The following TMPRSS13 variants were observed in gnomAD, a reference collection of about 807,000 sequenced individuals.
TMPRSS13 encodes transmembrane protease serine 13.
Under a neutral mutation model 68.4 loss-of-function variants are expected in TMPRSS13, and 50 were observed. The observed-to-expected ratio is 0.73, with a 90% CI of 0.58 to 0.93. The LOEUF (loss-of-function observed/expected upper bound fraction) is 0.93, where lower values mean the gene tolerates loss of function less well. TMPRSS13 is among the 40% of genes least tolerant of loss of function. TMPRSS13 has a pLI of 0.00. For missense variants in TMPRSS13, 615 were observed against 729.2 expected, an observed-to-expected ratio of 0.84 and a Z score of 1.80; for synonymous variants, 267 against 285.8, an observed-to-expected ratio of 0.93 and a Z score of 0.66.
chr11:117,902,111 G>T lies in TMPRSS13; in HGVS notation c.*128C>A. On this transcript the variant is annotated 3_prime_UTR_variant, in exon 13 of 13. Transcript: ENST00000524993. ...ACACACACACACACACACAGAGGCA[G>T]CAGACAGTGGAGGTGGGAGTCCGAT... 1 of 957,752 alleles carries T rather than the reference G, an allele frequency of 1.0e-6. No individual in the cohort carries two copies. Among genetic ancestry groups the T allele is most frequent in the Non-Finnish European group, 1.6e-6 (1 of 617,466 alleles). 59.3% of individuals were successfully genotyped at this position (957,752 alleles called of 1,614,324 possible). A position where few individuals can be genotyped will look rare whatever the true frequency, so the allele number is the denominator to read the frequency against.
intron 1 of TMPRSS13, among the ~76,000 whole-genome samples, chr11:117,928,092 G>A (rs1319852530): frequency 6.6e-6 from 1 of 152,176 alleles, no homozygotes; most frequent in East Asian, 1.9e-4. Flanking sequence ...TCACTCTTGG[G>A]TTTAGGGACC....
intron 9 of TMPRSS13, 43 bp from the exon 10 acceptor site, chr11:117,905,779 G>C: frequency 6.7e-7 from 1 of 1,492,118 alleles, no homozygotes; most frequent in Non-Finnish European, 9.2e-7. Context: ...ACAAGGCTGA[G>C]ACTTTCAGTA....
In TMPRSS13 at chr11:117,921,545, G is replaced by C. The variant is rs55732448; in HGVS notation, c.22-2707C>G. 8.6e-3 allele frequency among the ~76,000 whole-genome samples: 1,311 copies of C among 152,236 alleles called. 14 individuals are homozygous for C. Among genetic ancestry groups the C allele is most frequent in the African/African-American group, 0.029 (1,195 of 41,564 alleles). On this transcript the variant is annotated intron_variant, in intron 1 of 12. Coordinates refer to ENST00000524993, the MANE Select transcript of TMPRSS13 (RefSeq NM_001077263.3). ...CCCAGAGGAAAATGGGTGGGCAGGT[G>C]GGGGGAGGGAGCTGGGGAAAGCTGT...
At chr11:117,925,239 A>G (rs1036139914) in intron 1 of TMPRSS13, among the ~76,000 whole-genome samples, 1 of 152,184 alleles carries the variant, frequency 6.6e-6, no homozygotes, top group Non-Finnish European at 1.5e-5. Flanking sequence ...CATAACATTC[A>G]TTTGAACAAA....
chr11:117,912,343 C>T (rs1289955266), intron 5 of TMPRSS13, among the ~76,000 whole-genome samples: 3 of 152,200 alleles, frequency 2.0e-5, no homozygotes, highest in African/African-American at 7.2e-5. Flanking sequence ...TAAGAATCTG[C>T]ATTTTAAAGA....
chr11:117,926,760 T>C (rs1157490477), intron 1 of TMPRSS13, among the ~76,000 whole-genome samples: 1 of 152,144 alleles, frequency 6.6e-6, no homozygotes, highest in East Asian at 1.9e-4. Flanking sequence ...CCCTCTTCTT[T>C]GGTGGGGAAG....
chr11:117,909,050 C>G (rs534216232), intron 8 of TMPRSS13, among the ~76,000 whole-genome samples: 11 of 152,136 alleles, frequency 7.2e-5, no homozygotes, highest in South Asian at 6.2e-4. Context: ...ACTCCCCCCC[C>G]ACTATCTCCT....
At chr11:117,907,492 A>G (rs2134881305) in intron 9 of TMPRSS13, 1 of 152,388 alleles carries the variant, frequency 6.6e-6, no homozygotes, top group South Asian at 2.1e-4. Flanking sequence ...GCGAGGAAAC[A>G]CCAGCTCACA....
At chr11:117,923,296 T>C (rs1812168998) in intron 1 of TMPRSS13, among the ~76,000 whole-genome samples, 1 of 152,080 alleles carries the variant, frequency 6.6e-6, no homozygotes, top group Non-Finnish European at 1.5e-5. Flanking sequence ...GAATGGGATG[T>C]TTTTCTGGTT....
At chr11:117,919,018 G>A (rs2057615348) in intron 1 of TMPRSS13, among the ~76,000 whole-genome samples, 180 bp from the exon 2 acceptor site, 2 of 152,152 alleles carry the variant, frequency 1.3e-5, no homozygotes, top group Admixed American at 1.3e-4. Flanking sequence ...AAAGCTCAAA[G>A]AACCTGCTGT....
chr11:117,908,587 G>T, intron 9 of TMPRSS13, 25 bp downstream of exon 9: 2 of 1,549,320 alleles, frequency 1.3e-6, no homozygotes, highest in Non-Finnish European at 8.7e-7. Flanking sequence ...GGGGGCAGGA[G>T]AGCGGGGAGT....
Position 117,909,868 on chromosome 11 carries a change from G to T in TMPRSS13, c.1047C>A (p.His349Gln), listed in dbSNP as rs1223830473. The T allele has an allele frequency of 6.2e-7, 1 of 1,614,032 alleles. No individual in the cohort carries two copies. Among genetic ancestry groups the T allele is most frequent in the East Asian group, 2.2e-5 (1 of 44,884 alleles). The change falls in exon 8 of 13, where the codon CAC (histidine) becomes CAA (glutamine). Residue 349 changes from histidine to glutamine, a missense_variant. Physicochemically the swap from His to Gln is conservative, Grantham distance 24 (BLOSUM62 0). Coordinates refer to ENST00000524993, the MANE Select transcript of TMPRSS13 (RefSeq NM_001077263.3). ...WQVSLHFGTT[H>Q]ICGGTLIDAQ... is the part of the protein sequence containing the mutation. ...CGTCAATGAGCGTGCCTCCACAGAT[G>T]TGGGTGGTGCCGAAGTGCAGACTCA...
At chr11:117,919,318 C>CCA (rs2057619236) in intron 1 of TMPRSS13, among the ~76,000 whole-genome samples, 1 of 152,238 alleles carries the variant, frequency 6.6e-6, no homozygotes, top group Non-Finnish European at 1.5e-5. Flanking sequence ...ATTGTTCTTA[C>CCA]TATGAGCTGT....
chr11:117,903,482 AAC>A (rs2057429316), intron 12 of TMPRSS13, 171 bp downstream of exon 12: 1 of 1,540,760 alleles, frequency 6.5e-7, no homozygotes, highest in Non-Finnish European at 8.7e-7. Context: ...CAGGGAAAGA[AAC>A]ACAGACAGCT....
At chr11:117,913,672 C>G (rs1360400690) in intron 5 of TMPRSS13, 105 bp downstream of exon 5, 4 of 1,461,222 alleles carry the variant, frequency 2.7e-6, no homozygotes, top group African/African-American at 1.4e-5. Context: ...GCCCCGGTCC[C>G]CAAGGGTCTT....
At chr11:117,923,207 G>A (rs1458525098) in intron 1 of TMPRSS13, among the ~76,000 whole-genome samples, 1 of 152,234 alleles carries the variant, frequency 6.6e-6, no homozygotes, top group Non-Finnish European at 1.5e-5. Flanking sequence ...CAGCAGAGGA[G>A]GGACTAAACC....
At chr11:117,923,781 A>T (rs966140513) in intron 1 of TMPRSS13, among the ~76,000 whole-genome samples, 19 of 148,372 alleles carry the variant, frequency 1.3e-4, no homozygotes, top group African/African-American at 4.7e-4. Flanking sequence ...ACATGTATAC[A>T]TATGTAACAA....
Position 117,918,391 on chromosome 11 carries a change from C to CTACAGCA in TMPRSS13, c.451+11_451+17dup. 1 of 1,610,378 alleles carries CTACAGCA rather than the reference C, an allele frequency of 6.2e-7. No individual in the cohort carries two copies. On this transcript the variant is annotated intron_variant, in intron 2 of 12. Coordinates refer to ENST00000524993, the MANE Select transcript of TMPRSS13 (RefSeq NM_001077263.3). ...CTGCTTCCCATCTCTCGTGGCTTCC[C>CTACAGCA]TACAGCATCCCCCTTACCTGGGCTC...
intron 7 of TMPRSS13, 190 bp downstream of exon 7, chr11:117,910,517 G>A (rs989831436): frequency 1.2e-4 from 66 of 543,578 alleles, no homozygotes; most frequent in Middle Eastern, 4.9e-4. Flanking sequence ...CCAGAGTCAG[G>A]AGAAGGGGAA....
Sources: gnomAD v4.1 joint callset for allele counts (sites outside exome capture counted in the v4.1 genomes callset) on GRCh38, gnomAD v4.1.1 for gene constraint, MANE v1.5 for transcripts, NCBI Gene and HGNC (gene_info 2026-07-23, HGNC 2026-07-21) for gene names.